Variants in SERTAD2 observed in about 807,000 individuals in gnomAD.
SERTAD2 encodes the protein SERTA domain-containing protein 2.
SERTAD2 carries 2 observed loss-of-function variants against 15.4 expected under a neutral mutation model. The ratio of observed to expected loss-of-function variants is 0.13; its 90% CI spans 0.05 to 0.41. The LOEUF is 0.41. Among genes scored for constraint, SERTAD2 ranks in the 10% least tolerant of loss-of-function variants. The probability of loss-of-function intolerance (pLI) is 0.99; values close to 1 mark genes in which losing one functional copy is unlikely to be tolerated. For synonymous variants in SERTAD2, 180 were observed against 178.0 expected (o/e 1.01, Z -0.09); for missense variants, 333 against 409.7 (o/e 0.81, Z 1.62).
intron 1 of SERTAD2, among the ~76,000 whole-genome samples, chr2:64,647,550 T>G (rs952627918): frequency 6.6e-6 from 1 of 152,182 alleles, no homozygotes; most frequent in Admixed American, 6.5e-5. Flanking sequence ...TGTAGCATCT[T>G]TTCCCTAAAG....
At chr2:64,638,791 A>G (rs1424680533) in intron 1 of SERTAD2, among the ~76,000 whole-genome samples, 1 of 152,234 alleles carries the variant, frequency 6.6e-6, no homozygotes, top group Non-Finnish European at 1.5e-5. Context: ...TTTGTCTAAT[A>G]CTTCAAGTGA....
chr2:64,649,048 G>A (rs1231594825), intron 1 of SERTAD2, among the ~76,000 whole-genome samples: 1 of 152,160 alleles, frequency 6.6e-6, no homozygotes, highest in African/African-American at 2.4e-5. Context: ...AATCTGAAAA[G>A]CAAATCTGTA....
At chr2:64,649,953 A>G (rs549465243) in intron 1 of SERTAD2, among the ~76,000 whole-genome samples, 1 of 152,242 alleles carries the variant, frequency 6.6e-6, no homozygotes, top group African/African-American at 2.4e-5. Context: ...GTGTAAGAAT[A>G]GGCCGGCCAG....
At chr2:64,643,282 A>G (rs931884686) in intron 1 of SERTAD2, among the ~76,000 whole-genome samples, 2 of 152,282 alleles carry the variant, frequency 1.3e-5, no homozygotes, top group African/African-American at 4.8e-5. Context: ...TCAGGAGAGC[A>G]GCAGGCTTCA....
rs1674655201 is a variant in SERTAD2, at chr2:64,636,275, G to C, written c.597C>G (p.Thr199=). ...ATAATDSVKG[T]SSEAGTQKLD... Reference sequence around the variant, plus strand: ...GTTTCTGGGTGCCAGCCTCGCTGGAGGTCCCTTTCACACTGTCAGTCGCAG... The same window carrying C: ...GTTTCTGGGTGCCAGCCTCGCTGGACGTCCCTTTCACACTGTCAGTCGCAG... The change falls in exon 2 of 2, where the codon ACC becomes ACG. Residue 199 remains threonine, a synonymous_variant. Coordinates refer to ENST00000313349, the MANE Select transcript of SERTAD2 (RefSeq NM_014755.3). 1 of 1,614,198 alleles carries C rather than the reference G, an allele frequency of 6.2e-7. No homozygotes were observed. Among genetic ancestry groups the C allele is most frequent in the African/African-American group, 1.3e-5 (1 of 75,050 alleles).
chr2:64,651,760 C>T (rs560069890), intron 1 of SERTAD2, among the ~76,000 whole-genome samples: 2 of 152,188 alleles, frequency 1.3e-5, no homozygotes, highest in African/African-American at 4.8e-5. Context: ...TTACCTAAGA[C>T]GCTGTGACAT....
At position 64,636,119 on chromosome 2, in the gene SERTAD2, A is replaced by G; in HGVS notation, c.753T>C (p.Ile251=). The change falls in exon 2 of 2, where the codon ATT becomes ATC. Residue 251 remains isoleucine, a synonymous_variant. Transcript: ENST00000313349. ...GGTCAAAATCATACATGGACGTATCAATGTCAGCAAACAGGATGTCATCCA... is the reference window on the plus strand; with the variant it reads ...GGTCAAAATCATACATGGACGTATCGATGTCAGCAAACAGGATGTCATCCA... ...LTLDDILFAD[I]DTSMYDFDPC... 1 of 1,614,168 alleles carries G rather than the reference A, an allele frequency of 6.2e-7. No homozygotes were observed.
At chr2:64,639,752 TTAG>T (rs761070462) in intron 1 of SERTAD2, among the ~76,000 whole-genome samples, 2 of 152,226 alleles carry the variant, frequency 1.3e-5, no homozygotes, top group Non-Finnish European at 2.9e-5. Flanking sequence ...TTATAGGCAT[TTAG>T]TAGAATTCCC....
chr2:64,644,728 T>A (rs1250671034), intron 1 of SERTAD2: 1 of 152,306 alleles, frequency 6.6e-6, no homozygotes, highest in South Asian at 2.1e-4. Flanking sequence ...TGGATGATAC[T>A]GGCAGAATCA....
chr2:64,653,391 A>G (rs1675056506), intron 1 of SERTAD2, among the ~76,000 whole-genome samples: 1 of 139,952 alleles, frequency 7.1e-6, no homozygotes, highest in African/African-American at 2.7e-5. Flanking sequence ...CCAGCGGCTC[A>G]GCCCGCAGGC....
chr2:64,652,108 G>A (rs148484342), intron 1 of SERTAD2, among the ~76,000 whole-genome samples: 1 of 152,016 alleles, frequency 6.6e-6, no homozygotes, highest in African/African-American at 2.4e-5. Flanking sequence ...TTAAACATTT[G>A]TCTCTTTTAA....
At chr2:64,641,611 A>G (rs1286839367) in intron 1 of SERTAD2, among the ~76,000 whole-genome samples, 1 of 152,152 alleles carries the variant, frequency 6.6e-6, no homozygotes. Flanking sequence ...AAAGACACCA[A>G]GGGGCAGCCA....
intron 1 of SERTAD2, among the ~76,000 whole-genome samples, chr2:64,638,392 C>T (rs1436166647): frequency 6.6e-6 from 1 of 152,214 alleles, no homozygotes; most frequent in African/African-American, 2.4e-5. Flanking sequence ...ACCTGATCAC[C>T]ATTTTGAATT....
chr2:64,641,378 G>C (rs1223579267), intron 1 of SERTAD2, among the ~76,000 whole-genome samples: 1 of 152,180 alleles, frequency 6.6e-6, no homozygotes, highest in Non-Finnish European at 1.5e-5. Flanking sequence ...GGCTGGGGGC[G>C]GCCGGGAGAC....
intron 1 of SERTAD2, among the ~76,000 whole-genome samples, chr2:64,637,511 C>T (rs768357084): frequency 2.0e-5 from 3 of 152,290 alleles, no homozygotes; most frequent in East Asian, 3.9e-4. Context: ...ACTGAGCCGC[C>T]GCCACTTTTC....
chr2:64,640,028 C>T (rs1674737839), intron 1 of SERTAD2, among the ~76,000 whole-genome samples: 1 of 152,156 alleles, frequency 6.6e-6, no homozygotes, highest in Non-Finnish European at 1.5e-5. Context: ...TGAAGTGTAC[C>T]TCAAGGCAGT....
Position 64,633,203 on chromosome 2 carries a change from GGCT to G in SERTAD2, c.*2721_*2723del, listed in dbSNP as rs1674575345. 1 of 152,166 alleles carries G rather than the reference GGCT, an allele frequency of 6.6e-6. No individual in the cohort carries two copies. The highest frequency in any genetic ancestry group is 1.5e-5 in the Non-Finnish European group (1 of 68,036). 9.4% of individuals were successfully genotyped at this position (152,166 alleles called of 1,614,324 possible). On this transcript the variant is annotated 3_prime_UTR_variant, in exon 2 of 2. Transcript: ENST00000313349. ...GATCATTTTGATCTTTCTGAAAATG[GGCT>G]GCTAATTTTCCATGTCTTTCTTGTT...
intron 1 of SERTAD2, among the ~76,000 whole-genome samples, chr2:64,651,952 C>A (rs1258301502): frequency 1.3e-5 from 2 of 150,630 alleles, no homozygotes; most frequent in East Asian, 3.9e-4. Flanking sequence ...CTGAGAACAA[C>A]ATGGTTATGT....
In SERTAD2 at chr2:64,636,374, C is replaced by T. The variant is rs1395680601; in HGVS notation, c.498G>A (p.Lys166=). 1 of 1,614,168 alleles carries T rather than the reference C, an allele frequency of 6.2e-7. No homozygotes were observed. Among genetic ancestry groups the T allele is most frequent in the African/African-American group, 1.3e-5 (1 of 75,026 alleles). Residue 166 remains lysine (K), a synonymous_variant, in exon 2 of 2, where the codon AAG becomes AAA. Transcript: ENST00000313349. The stretch of plus-strand genomic sequence containing the variant: ...CGTCCAAGGCAGAGGAGAAACTGTC[C>T]TTTTCTGGCAAGAGGGCTGGAGGTG... ...KLSPPALLPE[K]DSFSSALDEI...
Sources: allele counts gnomAD v4.1 joint callset (sites outside exome capture counted in the v4.1 genomes callset), GRCh38; gene constraint gnomAD v4.1.1; transcripts MANE v1.5; gene names NCBI Gene and HGNC (gene_info 2026-07-23, HGNC 2026-07-21).